MLLT1: variants seen among roughly 807,000 people sequenced by gnomAD.
MLLT1 encodes MLLT1 super elongation complex subunit.
In MLLT1, 11 loss-of-function variants were observed where a neutral mutation model predicts 55.1. The observed-to-expected ratio is 0.20, with a 90% confidence interval of 0.13 to 0.33. The LOEUF (loss-of-function observed/expected upper bound fraction) is 0.33, where lower values mean the gene tolerates loss of function less well. Among genes scored for constraint, MLLT1 ranks in the 10% least tolerant of loss-of-function variants. The pLI is 1.00. For missense variants in MLLT1, 536 were observed against 760.6 expected (o/e 0.70, Z 3.47); for synonymous variants, 323 against 320.1 (o/e 1.01, Z -0.10).
intron 3 of MLLT1, among the ~76,000 whole-genome samples, chr19:6,260,562 C>T (rs1241587746): frequency 1.3e-5 from 2 of 152,386 alleles, no homozygotes; most frequent in African/African-American, 4.8e-5. Context: ...ACGGGCAGCC[C>T]ACGGCGGAGC....
chr19:6,232,582 C>T (rs898012072), intron 3 of MLLT1, among the ~76,000 whole-genome samples: 3 of 152,174 alleles, frequency 2.0e-5, no homozygotes, highest in Non-Finnish European at 4.4e-5. Flanking sequence ...AATTAGATCA[C>T]GTGAACTTCG....
chr19:6,243,707 TC>T (rs2091137837), intron 3 of MLLT1, among the ~76,000 whole-genome samples: 1 of 150,832 alleles, frequency 6.6e-6, no homozygotes, highest in Admixed American at 6.6e-5. Context: ...CAGCTGCCCC[TC>T]CCCCTAGAAG....
At chr19:6,274,467 T>G (rs2091418161) in intron 1 of MLLT1, among the ~76,000 whole-genome samples, 1 of 152,088 alleles carries the variant, frequency 6.6e-6, no homozygotes, top group African/African-American at 2.4e-5. Flanking sequence ...CTAGGAAGGG[T>G]GCCTGGCTGC....
chr19:6,246,784 G>A (rs1488760673), intron 3 of MLLT1, among the ~76,000 whole-genome samples: 1 of 152,138 alleles, frequency 6.6e-6, no homozygotes, highest in Admixed American at 6.5e-5. Context: ...ATGGGCAGAG[G>A]GGGCAGACCC....
intron 8 of MLLT1, among the ~76,000 whole-genome samples, chr19:6,215,812 G>A (rs999313502): frequency 3.3e-5 from 5 of 152,184 alleles, no homozygotes; most frequent in South Asian, 2.1e-4. Context: ...AGGCCAGCAC[G>A]TTCTCCACTG....
chr19:6,238,407 C>T (rs552724306), intron 3 of MLLT1, among the ~76,000 whole-genome samples: 4 of 152,312 alleles, frequency 2.6e-5, no homozygotes, highest in South Asian at 2.1e-4. Flanking sequence ...GATTAGTAGA[C>T]GTGATGTCTA....
chr19:6,242,115 G>A (rs2091119569), intron 3 of MLLT1, among the ~76,000 whole-genome samples: 2 of 152,160 alleles, frequency 1.3e-5, no homozygotes, highest in Admixed American at 6.5e-5. Flanking sequence ...CTGCCTCCCA[G>A]CCTCCCTGCC....
In MLLT1 at chr19:6,213,742, T is replaced by C; in HGVS notation, c.1463A>G (p.Lys488Arg). 1 of 1,558,944 alleles carries C rather than the reference T, an allele frequency of 6.4e-7. No homozygotes were observed. Among genetic ancestry groups the C allele is most frequent in the African/African-American group, 1.5e-5 (1 of 66,526 alleles). Reference protein sequence around the residue: ...SCSKPEKILKKGTYDKAYTDE... With the variant: ...SCSKPEKILKRGTYDKAYTDE... ...CCCCCCCACCTTGTCGTAGGTGCCC[T>C]TCTTGAGGATCTTCTCAGGCTTGCT... Residue 488 changes from lysine (K) to arginine (R), a missense_variant, in exon 10 of 12, where the codon AAG becomes AGG. Physicochemically the swap from Lys to Arg is conservative, Grantham distance 26. Coordinates refer to ENST00000252674, the MANE Select transcript of MLLT1 (RefSeq NM_005934.4).
intron 3 of MLLT1, among the ~76,000 whole-genome samples, chr19:6,239,255 G>A (rs929158473): frequency 1.3e-5 from 2 of 152,198 alleles, no homozygotes; most frequent in Non-Finnish European, 2.9e-5. Flanking sequence ...GAAAAAAGAC[G>A]CCCAAGAGGC....
Position 6,262,156 on chromosome 19 carries a change from T to C in MLLT1, c.276+72A>G. 8.2e-7 allele frequency: 1 copy of C among 1,226,370 alleles called. No homozygotes were observed. Among genetic ancestry groups the C allele is most frequent in the Non-Finnish European group, 1.2e-6 (1 of 831,790 alleles). 76.0% of individuals were successfully genotyped at this position (1,226,370 alleles called of 1,614,324 possible). A position where few individuals can be genotyped will look rare whatever the true frequency, so the allele number is the denominator to read the frequency against. ...GCGGCCAGTTCTCTGGCCTGTTTTG[T>C]GAACTGCCGTGGCACCCGGAGCAGG... On this transcript the variant is annotated intron_variant, in intron 3 of 11. Transcript: ENST00000252674. The surrounding 1 kb of genome is among the most constrained non-coding windows in gnomAD (Gnocchi z 4.4).
rs2090990488 is a variant in MLLT1, at chr19:6,229,771, GAC to G, written c.420+797_420+798del. Among the ~76,000 whole-genome samples the G allele has an allele frequency of 6.7e-6, 1 of 149,016 alleles. No individual in the cohort carries two copies. Among genetic ancestry groups the G allele is most frequent in the South Asian group, 2.1e-4 (1 of 4,682 alleles). ...CATGCCACACCCCACACATACACAC[GAC>G]ACACACCCCATACCACACATGCCAC... On this transcript the variant is annotated intron_variant, in intron 4 of 11. Transcript: ENST00000252674. This position sits in a 1 kb window ranked among gnomAD's most constrained non-coding sequence, Gnocchi z 5.2.
intron 3 of MLLT1, among the ~76,000 whole-genome samples, chr19:6,258,744 A>G (rs1278093841): frequency 6.6e-6 from 1 of 152,196 alleles, no homozygotes; most frequent in Non-Finnish European, 1.5e-5. Flanking sequence ...CGGAGAAAGC[A>G]CCTTTTCTGC....
At chr19:6,224,312 G>A (rs1420471980) in intron 5 of MLLT1, among the ~76,000 whole-genome samples, 1 of 152,262 alleles carries the variant, frequency 6.6e-6, no homozygotes, top group Non-Finnish European at 1.5e-5. Context: ...GACAGCGGGA[G>A]TGCCCCCAGA....
Position 6,227,985 on chromosome 19 carries a change from T to A in MLLT1, c.421-883A>T, listed in dbSNP as rs1197451114. Among the ~76,000 whole-genome samples the A allele has an allele frequency of 1.3e-5, 2 of 152,164 alleles. No individual in the cohort carries two copies. Among genetic ancestry groups the A allele is most frequent in the Admixed American group, 6.5e-5 (1 of 15,278 alleles). On this transcript the variant is annotated intron_variant, in intron 4 of 11. Coordinates refer to ENST00000252674, the MANE Select transcript of MLLT1 (RefSeq NM_005934.4). This position sits in a 1 kb window ranked among gnomAD's most constrained non-coding sequence, Gnocchi z 5.1. ...AGCACTGCTAACAGCCTTGAGCACCTGCAGTTCCCGGCCAGCCAAGCCTTT... is the reference window on the plus strand; with the variant it reads ...AGCACTGCTAACAGCCTTGAGCACCAGCAGTTCCCGGCCAGCCAAGCCTTT...
intron 2 of MLLT1, among the ~76,000 whole-genome samples, chr19:6,269,099 C>A (rs149377124): frequency 6.6e-6 from 1 of 152,340 alleles, no homozygotes; most frequent in Non-Finnish European, 1.5e-5. Context: ...GCAGGAGGGG[C>A]AGCCAGGCTC....
chr19:6,217,919 C>A (rs1183279086), intron 7 of MLLT1, 35 bp downstream of exon 7: 2 of 1,575,630 alleles, frequency 1.3e-6, no homozygotes, highest in African/African-American at 2.8e-5. Flanking sequence ...CCTCCCCGGC[C>A]CCATCCGTGC....
At position 6,226,915 on chromosome 19, in the gene MLLT1, G is replaced by A; in HGVS notation, c.546+62C>T. ...AGCCCAGTGGAGGGAGGGCGCCGGG[G>A]CCAGACCCACCACAGCTGGGCCCCG... is the stretch of plus-strand genomic sequence containing the variant. On this transcript the variant is annotated intron_variant, in intron 5 of 11. Transcript: ENST00000252674. The surrounding 1 kb of genome is among the most constrained non-coding windows in gnomAD (Gnocchi z 6.3). 6.9e-7 allele frequency: 1 copy of A among 1,445,544 alleles called. No homozygotes were observed. The highest frequency in any genetic ancestry group is 1.5e-5 in the South Asian group (1 of 68,956). The allele number at this position is 1,445,544 out of a possible 1,614,324, so 89.5% of individuals were successfully genotyped here.
chr19:6,256,923 G>C lies in MLLT1; in HGVS notation c.276+5305C>G, dbSNP rs537451038. Reference sequence around the variant, plus strand: ...TTTCAACAACGCTCTAACACCACTCGATGGCGAAAGAACAGTCTCTTCAGT... The same window carrying C: ...TTTCAACAACGCTCTAACACCACTCCATGGCGAAAGAACAGTCTCTTCAGT... On this transcript the variant is annotated intron_variant, in intron 3 of 11. Transcript: ENST00000252674. The surrounding 1 kb of genome is among the most constrained non-coding windows in gnomAD (Gnocchi z 4.1). Among the ~76,000 whole-genome samples the C allele has an allele frequency of 6.6e-6, 1 of 152,114 alleles. No homozygotes were observed.
At chr19:6,272,991 C>A (rs538712796) in intron 1 of MLLT1, among the ~76,000 whole-genome samples, 1 of 152,308 alleles carries the variant, frequency 6.6e-6, no homozygotes, top group African/African-American at 2.4e-5. Context: ...GGAAAGGGGG[C>A]AGAGGGGATT....
Sources: allele counts gnomAD v4.1 joint callset (sites outside exome capture counted in the v4.1 genomes callset), GRCh38; gene constraint gnomAD v4.1.1; non-coding constraint Gnocchi (gnomAD v3.1); transcripts MANE v1.5; gene names NCBI Gene and HGNC (gene_info 2026-07-23, HGNC 2026-07-21).